RASGEF1C: variants seen among roughly 807,000 people sequenced by gnomAD.
The protein encoded by RASGEF1C is ras-GEF domain-containing family member 1C.
A neutral mutation model predicts 58.1 loss-of-function variants in RASGEF1C; 27 were observed. The ratio of observed to expected loss-of-function variants is 0.46; its 90% confidence interval spans 0.34 to 0.64. RASGEF1C has a LOEUF of 0.64. Among genes scored for constraint, RASGEF1C ranks in the 30% least tolerant of loss-of-function variants. The pLI is 0.01. For missense variants in RASGEF1C, 502 were observed against 605.1 expected (o/e 0.83, Z 1.79); for synonymous variants, 243 against 246.3 (o/e 0.99, Z 0.13).
chr5:180,195,072 C>T (rs1756241593), intron 1 of RASGEF1C, among the ~76,000 whole-genome samples: 1 of 152,222 alleles, frequency 6.6e-6, no homozygotes, highest in Non-Finnish European at 1.5e-5. Context: ...AGAGAACAGC[C>T]TGGAGTTGCA....
At chr5:180,202,479 C>A (rs750579248) in intron 1 of RASGEF1C, among the ~76,000 whole-genome samples, 7 of 152,094 alleles carry the variant, frequency 4.6e-5, no homozygotes, top group Non-Finnish European at 1.0e-4. Context: ...AAAAAAAATT[C>A]TTTGGAGCTC....
rs1039232521 is a variant in RASGEF1C at position 180,136,380 on chromosome 5, C to T, written c.436G>A (p.Glu146Lys). ...DVVGRIAPCDEAYRKRMHQLL... is the reference protein window; with the variant it reads ...DVVGRIAPCDKAYRKRMHQLL... Reference sequence around the variant, plus strand: ...GCGACCCCCGCCCAGCTGCCCACCTCGTCACAGGGGGCGATGCGGCCCACG... The same window carrying T: ...GCGACCCCCGCCCAGCTGCCCACCTTGTCACAGGGGGCGATGCGGCCCACG... Residue 146 changes from glutamate (E) to lysine (K), a missense_variant and splice_region_variant, in exon 4 of 14, where the codon GAG becomes AAG. Glu to Lys is a moderately conservative substitution (Grantham distance 56). Coordinates refer to ENST00000361132, the MANE Select transcript of RASGEF1C (RefSeq NM_175062.4). The T allele has an allele frequency of 2.6e-6, 4 of 1,554,838 alleles. No individual in the cohort carries two copies. The highest frequency in any genetic ancestry group is 3.8e-5 in the Admixed American group (2 of 52,072).
At chr5:180,134,149 A>C (rs1276607626) in intron 4 of RASGEF1C, among the ~76,000 whole-genome samples, 1 of 152,194 alleles carries the variant, frequency 6.6e-6, no homozygotes, top group African/African-American at 2.4e-5. Context: ...CCCACAGTCC[A>C]CAGCAGCGCC....
At position 180,137,967 on chromosome 5, in the gene RASGEF1C, G is replaced by C; in HGVS notation, c.86C>G (p.Ala29Gly). Reference sequence around the variant, plus strand: ...CGCTCCATCCAGGAGGGGCTGCCCAGCCTGTTCGCCATCTGTGGGCTCGGT... The same window carrying C: ...CGCTCCATCCAGGAGGGGCTGCCCACCCTGTTCGCCATCTGTGGGCTCGGT... ...PPTEPTDGEQ[A>G]GQPLLDGAPS... Residue 29 changes from alanine to glycine, a missense_variant, in exon 2 of 14, where the codon GCT becomes GGT. Transcript: ENST00000361132. The surrounding 1 kb of genome is among the most constrained non-coding windows in gnomAD (Gnocchi z 4.1). The C allele has an allele frequency of 6.2e-7, 1 of 1,605,114 alleles. No homozygotes were observed. Among genetic ancestry groups the C allele is most frequent in the South Asian group, 1.1e-5 (1 of 90,080 alleles).
At chr5:180,186,254 G>A (rs931405192) in intron 1 of RASGEF1C, among the ~76,000 whole-genome samples, 2 of 152,126 alleles carry the variant, frequency 1.3e-5, no homozygotes, top group African/African-American at 4.8e-5. Flanking sequence ...TCTATTCACA[G>A]GTGGCATGAT....
At chr5:180,182,482 G>C (rs993869056) in intron 1 of RASGEF1C, among the ~76,000 whole-genome samples, 5 of 152,320 alleles carry the variant, frequency 3.3e-5, no homozygotes, top group Admixed American at 2.6e-4. Flanking sequence ...GCCGCTGTTG[G>C]CTGGGATGGC....
At chr5:180,193,095 A>G (rs13160067) in intron 1 of RASGEF1C, among the ~76,000 whole-genome samples, 86,630 of 141,198 alleles carry the variant, frequency 0.61, 27,278 homozygotes, top group East Asian at 0.88. Flanking sequence ...TTGCTCTTTC[A>G]CCCAGGCCAG....
chr5:180,118,796 G>A lies in RASGEF1C; in HGVS notation c.978C>T (p.Phe326=). 6.2e-7 allele frequency: 1 copy of A among 1,614,242 alleles called. No homozygotes were observed. Among genetic ancestry groups the A allele is most frequent in the Non-Finnish European group, 8.5e-7 (1 of 1,180,024 alleles). ...CAGCAGCCTCATTTACCTCGAGGAT[G>A]AAAAACTTGGCCGTCCTCACTTTGG... The part of the protein sequence containing the change: ...TWAKVRTAKF[F]ILEHQMDPTG... The change falls in exon 9 of 14, where the codon TTC becomes TTT. Residue 326 remains phenylalanine (F), a synonymous_variant. Transcript: ENST00000361132.
intron 7 of RASGEF1C, 64 bp downstream of exon 7, chr5:180,120,996 G>T: frequency 8.5e-7 from 1 of 1,171,094 alleles, no homozygotes; most frequent in Non-Finnish European, 1.3e-6. Flanking sequence ...TCCCCCGTGG[G>T]CTCCTCCCAA....
At chr5:180,173,846 G>A (rs919524158) in intron 1 of RASGEF1C, among the ~76,000 whole-genome samples, 4 of 150,960 alleles carry the variant, frequency 2.6e-5, no homozygotes, top group Non-Finnish European at 4.4e-5. Context: ...CCGGGAGGCG[G>A]AGTTTGCAGT....
rs1265887152 is a variant in RASGEF1C at position 180,105,470 on chromosome 5, G to T, written c.1304-3327C>A. 2.0e-5 allele frequency among the ~76,000 whole-genome samples: 3 copies of T among 151,990 alleles called. No individual in the cohort carries two copies. In the East Asian group the frequency reaches 5.8e-4, roughly 29 times the overall value. On this transcript the variant is annotated intron_variant, in intron 12 of 13. Transcript: ENST00000361132. ...CCAGCTACTCGGGAGGCTGAGGCAG[G>T]AGAATGGTGTGAACCCGGGAGGCGG...
chr5:180,121,192 T>C (rs1175312540), intron 6 of RASGEF1C, 43 bp from the exon 7 acceptor site: 1 of 1,366,610 alleles, frequency 7.3e-7, no homozygotes, highest in East Asian at 2.3e-5. Context: ...TGAGCCTTTT[T>C]GTCTATCATC....
intron 1 of RASGEF1C, among the ~76,000 whole-genome samples, chr5:180,207,057 A>G (rs897356294): frequency 6.6e-6 from 1 of 152,214 alleles, no homozygotes; most frequent in African/African-American, 2.4e-5. Context: ...CTAAAGTCTA[A>G]AGGAAAAAAA....
rs1309826127 is a variant in RASGEF1C, at chr5:180,115,244, G to A, written c.1084-703C>T. 8 of 427,790 alleles carry A rather than the reference G, an allele frequency of 1.9e-5. No individual in the cohort carries two copies. In the Admixed American group the frequency reaches 2.3e-4, roughly 12 times the overall value. 26.5% of individuals were successfully genotyped at this position (427,790 alleles called of 1,614,324 possible). A position where few individuals can be genotyped will look rare whatever the true frequency, so the allele number is the denominator to read the frequency against. On this transcript the variant is annotated intron_variant, in intron 10 of 13. Coordinates refer to ENST00000361132, the MANE Select transcript of RASGEF1C (RefSeq NM_175062.4). The stretch of plus-strand genomic sequence containing the variant: ...TTGGCCAGGCTGGTATTGAACTCCT[G>A]ACCTTGTGATCTGCTCGCCTCGGCC...
intron 1 of RASGEF1C, among the ~76,000 whole-genome samples, chr5:180,139,851 C>T (rs1477072550): frequency 2.6e-5 from 4 of 152,124 alleles, no homozygotes; most frequent in African/African-American, 9.7e-5. Flanking sequence ...AGATAGAAAA[C>T]CTGTGAGCCT....
At chr5:180,126,174 G>A (rs980646857) in intron 6 of RASGEF1C, among the ~76,000 whole-genome samples, 2 of 152,300 alleles carry the variant, frequency 1.3e-5, no homozygotes, top group African/African-American at 4.8e-5. Flanking sequence ...TTGGGAGGCC[G>A]AGGCGGGCAG....
chr5:180,180,355 A>G (rs1767305223), intron 1 of RASGEF1C, among the ~76,000 whole-genome samples: 1 of 152,244 alleles, frequency 6.6e-6, no homozygotes, highest in South Asian at 2.1e-4. Flanking sequence ...TCTTTCCTAA[A>G]GCCAGTGCCA....
chr5:180,174,710 CCT>C (rs2113315833), intron 1 of RASGEF1C, among the ~76,000 whole-genome samples: 1 of 152,258 alleles, frequency 6.6e-6, no homozygotes, highest in East Asian at 1.9e-4. Context: ...GGTGCAGGCC[CCT>C]CTCTGGGCTG....
chr5:180,109,416 C>CAT (rs1436014862), intron 12 of RASGEF1C, among the ~76,000 whole-genome samples: 2 of 152,142 alleles, frequency 1.3e-5, no homozygotes, highest in Non-Finnish European at 2.9e-5. Flanking sequence ...CGAGATTGCG[C>CAT]CACTGCACTC....
Sources: allele counts gnomAD v4.1 joint callset (sites outside exome capture counted in the v4.1 genomes callset), GRCh38; gene constraint gnomAD v4.1.1; non-coding constraint Gnocchi (gnomAD v3.1); transcripts MANE v1.5; gene names NCBI Gene and HGNC (gene_info 2026-07-23, HGNC 2026-07-21).